Variants in GALC observed in about 807,000 individuals in gnomAD.
GALC encodes galactosylceramidase, also known as galactocerebrosidase.
Under a neutral mutation model 91.8 loss-of-function variants are expected in GALC, and 77 were observed. The ratio of observed to expected loss-of-function variants is 0.84; its 90% confidence interval spans 0.70 to 1.01. GALC has a LOEUF of 1.01. Among genes scored for constraint, GALC ranks in the 50% least tolerant of loss-of-function variants. The pLI is 0.00. For synonymous variants in GALC, 357 were observed against 306.7 expected (o/e 1.16, Z -1.71); for missense variants, 882 against 855.9 (o/e 1.03, Z -0.38).
intron 10 of GALC, 115 bp downstream of exon 10, chr14:87,963,269 G>C: frequency 1.8e-6 from 2 of 1,091,958 alleles, no homozygotes; most frequent in Non-Finnish European, 2.8e-6. Flanking sequence ...ATAAGATCTT[G>C]GCATCTGTCT....
intron 16 of GALC, among the ~76,000 whole-genome samples, chr14:87,937,423 T>G (rs12881008): frequency 6.6e-6 from 1 of 151,550 alleles, no homozygotes; most frequent in African/African-American, 2.4e-5. Flanking sequence ...CAGAAGACCC[T>G]CAGAGTATGT....
At chr14:87,962,898 A>C (rs993712142) in intron 10 of GALC, among the ~76,000 whole-genome samples, 7 of 151,700 alleles carry the variant, frequency 4.6e-5, no homozygotes, top group Non-Finnish European at 8.8e-5. Context: ...TGAATCCTTG[A>C]TATGTCTGCT....
chr14:87,964,072 T>C (rs1055149559), intron 9 of GALC, among the ~76,000 whole-genome samples: 2 of 152,108 alleles, frequency 1.3e-5, no homozygotes, highest in African/African-American at 4.8e-5. Context: ...GGCGCTGATA[T>C]ACAAGTCTAA....
intron 7 of GALC, among the ~76,000 whole-genome samples, chr14:87,973,008 T>C (rs1043999047): frequency 7.8e-5 from 9 of 115,930 alleles, no homozygotes; most frequent in African/African-American, 2.0e-4. Context: ...AAAATATTCT[T>C]TGGGCATAAA....
Position 87,992,959 on chromosome 14 carries a change from TTGCCGC to T in GALC, c.195+5_195+10del. The T allele has an allele frequency of 6.6e-7, 1 of 1,512,726 alleles. No homozygotes were observed. The highest frequency in any genetic ancestry group is 8.8e-7 in the Non-Finnish European group (1 of 1,139,170). 93.7% of individuals were successfully genotyped at this position (1,512,726 alleles called of 1,614,324 possible). ...GCCGCCCCCCGCGTATCCCCGCAGC[TTGCCGC>T]TCACCCCGCCGCCGCTGACCGCGCC... On this transcript the variant is annotated splice_donor_5th_base_variant and intron_variant, in intron 1 of 16. Transcript: ENST00000261304.
At position 87,934,233 on chromosome 14, in the gene GALC, A is replaced by G. The variant is rs1226531123; in HGVS notation, c.*499T>C. On this transcript the variant is annotated 3_prime_UTR_variant, in exon 17 of 17. Transcript: ENST00000261304. ...AAAAATACTTTTTAGAGCATAAAGCATAACAGGTTGAAGTGGTTTTCAAAA... is the reference window on the plus strand; with the variant it reads ...AAAAATACTTTTTAGAGCATAAAGCGTAACAGGTTGAAGTGGTTTTCAAAA... 1.1e-5 allele frequency: 15 copies of G among 1,371,772 alleles called. No homozygotes were observed. Among genetic ancestry groups the G allele is most frequent in the South Asian group, 1.7e-5 (1 of 59,362 alleles). The allele number at this position is 1,371,772 out of a possible 1,614,324, so 85.0% of individuals were successfully genotyped here. A position where few individuals can be genotyped will look rare whatever the true frequency, so the allele number is the denominator to read the frequency against.
intron 14 of GALC, among the ~76,000 whole-genome samples, chr14:87,944,327 T>G (rs1010114163): frequency 6.6e-6 from 1 of 151,800 alleles, no homozygotes; most frequent in South Asian, 2.1e-4. Context: ...TTCAAGTGCA[T>G]GGGGTATAGG....
chr14:87,952,888 C>G (rs1187955692), intron 10 of GALC: 4 of 1,003,520 alleles, frequency 4.0e-6, no homozygotes, highest in Admixed American at 1.8e-5. Context: ...CTGCATTTAA[C>G]TGAAAAGTAT....
intron 6 of GALC, among the ~76,000 whole-genome samples, chr14:87,979,679 C>T (rs920857795): frequency 6.6e-6 from 1 of 152,090 alleles, no homozygotes; most frequent in Non-Finnish European, 1.5e-5. Flanking sequence ...ATGAAATGAC[C>T]ACAAGAGAGA....
At chr14:87,986,854 A>G (rs976354031) in intron 3 of GALC, 16 of 505,034 alleles carry the variant, frequency 3.2e-5, no homozygotes, top group Admixed American at 1.3e-4. Flanking sequence ...TACAAGCAGT[A>G]CTGAGAGAAA....
chr14:87,934,612 T>C lies in GALC; in HGVS notation c.*120A>G. 1 of 1,571,342 alleles carries C rather than the reference T, an allele frequency of 6.4e-7. No homozygotes were observed. The highest frequency in any genetic ancestry group is 1.4e-5 in the African/African-American group (1 of 73,300). On this transcript the variant is annotated 3_prime_UTR_variant, in exon 17 of 17. Coordinates refer to ENST00000261304, the MANE Select transcript of GALC (RefSeq NM_000153.4). ...AATAAATTTCTCTCCCCTTTTACTC[T>C]TCATTATTTTTAGTCTCAAAAGCCT...
chr14:87,955,025 A>G, intron 10 of GALC: 1 of 1,363,970 alleles, frequency 7.3e-7, no homozygotes, highest in South Asian at 1.2e-5. Flanking sequence ...GAGATCACCT[A>G]TGGGATGGTC....
At position 87,986,493 on chromosome 14, in the gene GALC, G is replaced by A. The variant is rs751654966; in HGVS notation, c.438C>T (p.Leu146=). ...ATTGCAAACTTCATTTCTTACCAAT[G>A]AGTGTAATATTGGGATTCCTCTTCT... ...EAKKRNPNIT[L]IGLPWSFPGW... is the part of the protein sequence containing the mutation. The change falls in exon 4 of 17, where the codon CTC becomes CTT. Residue 146 remains leucine, a synonymous_variant. Coordinates refer to ENST00000261304, the MANE Select transcript of GALC (RefSeq NM_000153.4). The A allele has an allele frequency of 1.5e-5, 23 of 1,558,936 alleles. No homozygotes were observed. Among genetic ancestry groups the A allele is most frequent in the Non-Finnish European group, 2.0e-5 (23 of 1,129,906 alleles).
chr14:87,945,623 G>T lies in GALC; in HGVS notation c.1600C>A (p.Leu534Ile). 1.2e-6 allele frequency: 2 copies of T among 1,610,540 alleles called. No homozygotes were observed. The highest frequency in any genetic ancestry group is 1.7e-6 in the Non-Finnish European group (2 of 1,177,050). ...GEHHFTLRQV[L>I]NQRPITWAAD... ...GCCCATGTAATGGGTCTCTGGTTGA[G>T]AACTTGGCGTAGCGTGAAGTGATGC... The change falls in exon 14 of 17, where the codon CTC becomes ATC. Residue 534 changes from leucine to isoleucine, a missense_variant. Transcript: ENST00000261304.
chr14:87,945,713 C>A lies in GALC; in HGVS notation c.1510G>T (p.Ala504Ser), dbSNP rs774001462. 1 of 1,611,362 alleles carries A rather than the reference C, an allele frequency of 6.2e-7. No homozygotes were observed. Among genetic ancestry groups the A allele is most frequent in the Non-Finnish European group, 8.5e-7 (1 of 1,178,436 alleles). The change falls in exon 14 of 17, where the codon GCT becomes TCT. Residue 504 changes from alanine to serine, a missense_variant. By Grantham distance (99) the Ala-to-Ser change is moderately conservative. Coordinates refer to ENST00000261304, the MANE Select transcript of GALC (RefSeq NM_000153.4). ...CCAGTTTGATCAGCAAAGTTTGGAGCTTCACTAAAAAATGGGTAATCTGTT... is the reference window on the plus strand; with the variant it reads ...CCAGTTTGATCAGCAAAGTTTGGAGATTCACTAAAAAATGGGTAATCTGTT... ...FNVDYPFFSE[A>S]PNFADQTGVF...
At chr14:87,937,545 G>C (rs2094592523) in intron 16 of GALC, among the ~76,000 whole-genome samples, 1 of 151,878 alleles carries the variant, frequency 6.6e-6, no homozygotes, top group Non-Finnish European at 1.5e-5. Context: ...ATCCATCCTA[G>C]TAGCAAGACA....
At position 87,988,479 on chromosome 14, in the gene GALC, A is replaced by G; in HGVS notation, c.240T>C (p.Ser80=). The change falls in exon 2 of 17, where the codon TCT becomes TCC. Residue 80 remains serine (S), a synonymous_variant. Transcript: ENST00000261304. ...CCTTAAAGAGATAATCCAATATCTG[A>G]GAACGATAGGGCTCTGGGTAATTTA... ...LLVNYPEPYR[S]QILDYLFKPN... The G allele has an allele frequency of 6.2e-7, 1 of 1,610,872 alleles. No individual in the cohort carries two copies. The highest frequency in any genetic ancestry group is 8.5e-7 in the Non-Finnish European group (1 of 1,177,082).
In GALC at chr14:87,945,719, T is replaced by C. The variant is rs1347431324; in HGVS notation, c.1504A>G (p.Ser502Gly). Residue 502 changes from serine to glycine, a missense_variant, in exon 14 of 17, where the codon AGT (serine) becomes GGT (glycine). By Grantham distance (56) the Ser-to-Gly change is moderately conservative. Transcript: ENST00000261304. ...TGATCAGCAAAGTTTGGAGCTTCAC[T>C]AAAAAATGGGTAATCTGTTCAGAAT... Reference protein sequence around the residue: ...DDFNVDYPFFSEAPNFADQTG... With the variant: ...DDFNVDYPFFGEAPNFADQTG... 1.9e-6 allele frequency: 3 copies of C among 1,610,176 alleles called. No homozygotes were observed. Among genetic ancestry groups the C allele is most frequent in the Non-Finnish European group, 1.7e-6 (2 of 1,177,544 alleles).
At chr14:87,954,873 G>A in intron 10 of GALC, 1 of 1,600,998 alleles carries the variant, frequency 6.2e-7, no homozygotes, top group Non-Finnish European at 8.5e-7. Context: ...TTACTATGAA[G>A]AAAATATACT....
Sources: gnomAD v4.1 joint callset for allele counts (sites outside exome capture counted in the v4.1 genomes callset) on GRCh38, gnomAD v4.1.1 for gene constraint, MANE v1.5 for transcripts, NCBI Gene and HGNC (gene_info 2026-07-23, HGNC 2026-07-21) for gene names.